FHIT: variants seen among roughly 807,000 people sequenced by gnomAD.
The protein encoded by FHIT is fragile histidine triad diadenosine triphosphatase, also known as bis(5'-adenosyl)-triphosphatase.
In FHIT, 19 loss-of-function variants were observed where a neutral mutation model predicts 17.9. That is an observed-to-expected ratio of 1.06 (90% CI 0.74 to 1.56). The LOEUF (loss-of-function observed/expected upper bound fraction) is 1.56, where lower values mean the gene tolerates loss of function less well. FHIT is among the 40% of genes most tolerant of loss of function. The pLI is 0.00. For missense variants in FHIT, 248 were observed against 189.2 expected (o/e 1.31, Z -1.82); for synonymous variants, 81 against 69.7 (o/e 1.16, Z -0.81).
intron 4 of FHIT, among the ~76,000 whole-genome samples, chr3:60,795,233 T>G (rs1166667695): frequency 6.6e-6 from 1 of 152,200 alleles, no homozygotes; most frequent in Non-Finnish European, 1.5e-5. Context: ...CCAGTTTTCA[T>G]TTTTAAATAG....
intron 5 of FHIT, among the ~76,000 whole-genome samples, chr3:60,201,570 A>C (rs1221083151): frequency 3.9e-5 from 6 of 152,136 alleles, no homozygotes; most frequent in African/African-American, 1.4e-4. Context: ...TGCAAAATGG[A>C]AGGGCCATCT....
Position 60,521,414 on chromosome 3 carries a change from A to AT in FHIT, c.103+15445dup, listed in dbSNP as rs1163544253. On this transcript the variant is annotated intron_variant, in intron 5 of 9. Transcript: ENST00000492590. ...AGGCGCCCGCCACCACACCCAGCTA[A>AT]TTTTTTGTATTTTTAGTAGAGACGG... 1.4e-3 allele frequency among the ~76,000 whole-genome samples: 214 copies of AT among 151,856 alleles called. 8 individuals carry two copies. Among genetic ancestry groups the AT allele is most frequent in the Admixed American group, 1.2e-3 (18 of 15,242 alleles).
At chr3:60,886,869 T>C (rs1166182890) in intron 3 of FHIT, among the ~76,000 whole-genome samples, 1 of 152,184 alleles carries the variant, frequency 6.6e-6, no homozygotes, top group Non-Finnish European at 1.5e-5. Flanking sequence ...ACTACCTAGG[T>C]CATAATACAT....
rs1335202467 is a variant in FHIT at position 60,045,508 on chromosome 3, C to T, written c.104-31356G>A. On this transcript the variant is annotated intron_variant, in intron 5 of 9. Coordinates refer to ENST00000492590, the MANE Select transcript of FHIT (RefSeq NM_002012.4). ...CCTGCCCCCATGATTCAATTACCTC[C>T]CACTGTATCCCTCCCACAACACGTG... Among the ~76,000 whole-genome samples, 12 of 152,230 alleles carry T rather than the reference C, an allele frequency of 7.9e-5. No individual in the cohort carries two copies. The East Asian group carries it at 2.3e-3, about 29-fold the overall frequency.
intron 5 of FHIT, among the ~76,000 whole-genome samples, chr3:60,069,561 A>T (rs1702672391): frequency 1.3e-5 from 2 of 152,242 alleles, no homozygotes; most frequent in South Asian, 4.1e-4. Context: ...ACAGTAAAAG[A>T]GACTCATATA....
intron 5 of FHIT, among the ~76,000 whole-genome samples, chr3:60,134,914 G>A (rs1699749832): frequency 6.6e-6 from 1 of 151,944 alleles, no homozygotes. Flanking sequence ...TAGCCTCAGA[G>A]GCACAGAGCA....
intron 3 of FHIT, among the ~76,000 whole-genome samples, chr3:60,889,877 CT>C: frequency 6.6e-6 from 1 of 152,198 alleles, no homozygotes; most frequent in African/African-American, 2.4e-5. Flanking sequence ...ATATGCAATC[CT>C]TTTTGTCAAA....
At chr3:60,004,314 T>C (rs1457393580) in intron 7 of FHIT, among the ~76,000 whole-genome samples, 2 of 152,110 alleles carry the variant, frequency 1.3e-5, no homozygotes, top group Non-Finnish European at 2.9e-5. Context: ...GCATTACAAA[T>C]AGCAAAATAA....
At chr3:60,681,027 A>T (rs2040735105) in intron 4 of FHIT, among the ~76,000 whole-genome samples, 1 of 152,140 alleles carries the variant, frequency 6.6e-6, no homozygotes, top group Admixed American at 6.5e-5. Flanking sequence ...CGAGGATATA[A>T]TTTTTTTAAG....
chr3:60,806,164 T>C (rs1371193792), intron 4 of FHIT, among the ~76,000 whole-genome samples: 1 of 152,128 alleles, frequency 6.6e-6, no homozygotes, highest in Non-Finnish European at 1.5e-5. Flanking sequence ...AGATGAAAAA[T>C]TAAGCTTTCT....
At chr3:60,199,296 T>C (rs1029954197) in intron 5 of FHIT, among the ~76,000 whole-genome samples, 1 of 152,170 alleles carries the variant, frequency 6.6e-6, no homozygotes, top group South Asian at 2.1e-4. Flanking sequence ...TGTCATACTA[T>C]ATGTGATGCT....
intron 2 of FHIT, among the ~76,000 whole-genome samples, chr3:61,100,164 A>T (rs971893535): frequency 2.6e-5 from 4 of 151,924 alleles, no homozygotes; most frequent in Non-Finnish European, 4.4e-5. Flanking sequence ...GCACCCATCA[A>T]CTCATCATGT....
chr3:60,688,433 T>TTG (rs36022571), intron 4 of FHIT, among the ~76,000 whole-genome samples: 15,227 of 151,460 alleles, frequency 0.1, 1,583 homozygotes, highest in African/African-American at 0.26. Flanking sequence ...TGTGTTTTTT[T>TTG]TTTTGTTTTT....
chr3:60,893,236 T>C (rs1553761091), intron 3 of FHIT, among the ~76,000 whole-genome samples: 1 of 152,196 alleles, frequency 6.6e-6, no homozygotes, highest in Non-Finnish European at 1.5e-5. Context: ...CCTAGTTTAC[T>C]ACACTTAGTT....
At position 59,981,975 on chromosome 3, in the gene FHIT, T is replaced by A. The variant is rs1050018275; in HGVS notation, c.279+29396A>T. Among the ~76,000 whole-genome samples the A allele has an allele frequency of 4.8e-5, 7 of 144,478 alleles. No homozygotes were observed. In the South Asian group the frequency reaches 6.8e-4, roughly 14 times the overall value. 94.8% of individuals were successfully genotyped at this position (144,478 alleles called of 152,430 possible). A position where few individuals can be genotyped will look rare whatever the true frequency, so the allele number is the denominator to read the frequency against. On this transcript the variant is annotated intron_variant, in intron 7 of 9. Transcript: ENST00000492590. ...AGGGTCAGCAAAAAGAAAAAAAAAA[T>A]TATTGATCTGGTATTAAAAATCAGT...
At chr3:60,873,692 T>C (rs1704518910) in intron 3 of FHIT, among the ~76,000 whole-genome samples, 1 of 152,198 alleles carries the variant, frequency 6.6e-6, no homozygotes, top group Admixed American at 6.6e-5. Flanking sequence ...CTTAACTGGC[T>C]GATAGCTGTA....
In FHIT at chr3:59,871,809, A is replaced by G. The variant is rs77762616; in HGVS notation, c.348+50537T>C. Among the ~76,000 whole-genome samples the G allele has an allele frequency of 1.2e-3, 180 of 152,324 alleles. 1 individual carries two copies. The highest frequency in any genetic ancestry group is 4.1e-3 in the African/African-American group (169 of 41,558). ...ACTCCACATAGAGTTGTTTCTCACA[A>G]GTATCCACATTTAAAAGAGGTAACC... is the stretch of plus-strand genomic sequence containing the variant. On this transcript the variant is annotated intron_variant, in intron 8 of 9. Transcript: ENST00000492590.
intron 5 of FHIT, among the ~76,000 whole-genome samples, chr3:60,364,024 T>C (rs1000497476): frequency 1.3e-5 from 2 of 152,196 alleles, no homozygotes; most frequent in Non-Finnish European, 2.9e-5. Flanking sequence ...CAGTAACTCA[T>C]GCAGTCACTA....
intron 4 of FHIT, among the ~76,000 whole-genome samples, chr3:60,592,821 C>T (rs1187316375): frequency 1.3e-5 from 2 of 152,078 alleles, no homozygotes; most frequent in Non-Finnish European, 2.9e-5. Context: ...AGGAAAGTAG[C>T]CTGAGTCTGG....
Sources: gnomAD v4.1 joint callset for allele counts (sites outside exome capture counted in the v4.1 genomes callset) on GRCh38, gnomAD v4.1.1 for gene constraint, MANE v1.5 for transcripts, NCBI Gene and HGNC (gene_info 2026-07-23, HGNC 2026-07-21) for gene names.